KRIT1: variants seen among roughly 807,000 people sequenced by gnomAD.
KRIT1 encodes KRIT1 ankyrin repeat containing.
In KRIT1, 45 loss-of-function variants were observed where a neutral mutation model predicts 95.8. The ratio of observed to expected loss-of-function variants is 0.47; its 90% CI spans 0.37 to 0.60. KRIT1 has a LOEUF of 0.60. KRIT1 is among the 20% of genes least tolerant of loss of function. KRIT1 has a pLI of 0.00. For synonymous variants in KRIT1, 282 were observed against 278.8 expected (o/e 1.01, Z -0.11); for missense variants, 788 against 877.5 (o/e 0.90, Z 1.29).
intron 3 of KRIT1, 60 bp downstream of exon 3, chr7:92,243,942 T>C (rs1217339184): frequency 6.6e-6 from 1 of 152,208 alleles, no homozygotes; most frequent in Admixed American, 6.5e-5. Context: ...TTTATCATTA[T>C]ATACTTCATG....
intron 10 of KRIT1, among the ~76,000 whole-genome samples, chr7:92,233,262 G>A (rs372003122): frequency 4.6e-5 from 7 of 151,720 alleles, no homozygotes; most frequent in East Asian, 3.9e-4. Flanking sequence ...AAAGAATTTC[G>A]AGTTGGAAGA....
intron 14 of KRIT1, 82 bp downstream of exon 14, chr7:92,221,820 A>G (rs1467271585): frequency 8.4e-7 from 1 of 1,185,714 alleles, no homozygotes; most frequent in Non-Finnish European, 1.2e-6. Flanking sequence ...ATGTAAGCAC[A>G]ATTTCTGCCT....
At chr7:92,243,924 TATC>T (rs1192832397) in intron 3 of KRIT1, 75 bp downstream of exon 3, 1 of 152,198 alleles carries the variant, frequency 6.6e-6, no homozygotes, top group Non-Finnish European at 1.5e-5. Context: ...TTGAGGACGT[TATC>T]ATTCTTTATC....
intron 17 of KRIT1, chr7:92,201,653 T>G: frequency 2.2e-6 from 1 of 455,218 alleles, no homozygotes; most frequent in Non-Finnish European, 4.0e-6. Flanking sequence ...GTCACCTACA[T>G]TAGATATTTC....
chr7:92,212,131 T>C (rs1478436360), intron 17 of KRIT1, among the ~76,000 whole-genome samples: 2 of 151,906 alleles, frequency 1.3e-5, no homozygotes, highest in South Asian at 2.1e-4. Context: ...AATAAAAAAA[T>C]GTTTAAATGT....
At chr7:92,218,878 A>G (rs769716978) in intron 14 of KRIT1, among the ~76,000 whole-genome samples, 3 of 152,154 alleles carry the variant, frequency 2.0e-5, no homozygotes, top group Middle Eastern at 3.2e-3. Flanking sequence ...TTTGTTGTTC[A>G]TGCTTTTGTT....
chr7:92,221,878 T>C (rs1403643433), intron 14 of KRIT1, 24 bp downstream of exon 14: 10 of 1,605,084 alleles, frequency 6.2e-6, no homozygotes, highest in Non-Finnish European at 8.5e-6. Flanking sequence ...TTTAAATAAC[T>C]GTAAATAAGA....
intron 6 of KRIT1, 104 bp downstream of exon 6, chr7:92,237,563 A>G: frequency 2.0e-6 from 1 of 507,986 alleles, no homozygotes; most frequent in East Asian, 3.3e-5. Flanking sequence ...TGTATTTTAT[A>G]ATATTATAGT....
At chr7:92,211,718 C>G (rs1343760659) in intron 17 of KRIT1, among the ~76,000 whole-genome samples, 1 of 151,862 alleles carries the variant, frequency 6.6e-6, no homozygotes, top group Non-Finnish European at 1.5e-5. Context: ...TCCTAATTAC[C>G]CTGATTTGAT....
At chr7:92,226,768 T>A (rs1796289824) in intron 10 of KRIT1, 86 bp from the exon 11 acceptor site, 1 of 1,185,472 alleles carries the variant, frequency 8.4e-7, no homozygotes, top group Non-Finnish European at 1.2e-6. Flanking sequence ...AAAATCCAAA[T>A]TTTAGATGAT....
At chr7:92,242,613 T>C (rs1429507012) in intron 3 of KRIT1, among the ~76,000 whole-genome samples, 1 of 152,260 alleles carries the variant, frequency 6.6e-6, no homozygotes, top group African/African-American at 2.4e-5. Context: ...GTAGATGTTT[T>C]ATATCCATTG....
chr7:92,209,170 C>T (rs932458482), intron 17 of KRIT1, among the ~76,000 whole-genome samples: 2 of 151,710 alleles, frequency 1.3e-5, no homozygotes, highest in African/African-American at 2.4e-5. Context: ...AACCTCTCAG[C>T]GAATTCACAT....
At chr7:92,212,528 TA>T (rs1468679543) in intron 17 of KRIT1, among the ~76,000 whole-genome samples, 1 of 152,144 alleles carries the variant, frequency 6.6e-6, no homozygotes, top group Admixed American at 6.5e-5. Flanking sequence ...CATGCCTTTA[TA>T]AAAGGGACCC....
At chr7:92,209,153 A>G (rs944842254) in intron 17 of KRIT1, among the ~76,000 whole-genome samples, 1 of 151,670 alleles carries the variant, frequency 6.6e-6, no homozygotes, top group African/African-American at 2.4e-5. Flanking sequence ...TTCGTGATGA[A>G]AAAAAAAACC....
At chr7:92,239,444 T>TTC (rs1799121467) in intron 5 of KRIT1, among the ~76,000 whole-genome samples, 1 of 152,216 alleles carries the variant, frequency 6.6e-6, no homozygotes, top group Non-Finnish European at 1.5e-5. Flanking sequence ...CTGATAACTA[T>TTC]AACAATCTGG....
In KRIT1 at chr7:92,202,533, T is replaced by C. The variant is rs1049589851; in HGVS notation, c.2026-1110A>G. On this transcript the variant is annotated intron_variant, in intron 17 of 18. Coordinates refer to ENST00000394505, the MANE Select transcript of KRIT1 (RefSeq NM_194454.3). ...GTTCATGGCATTTTTAAGATACATA[T>C]GTTTAGAAGCATTCAGTTTCTATAA... 3.3e-5 allele frequency among the ~76,000 whole-genome samples: 5 copies of C among 152,324 alleles called. No homozygotes were observed. The South Asian group carries it at 1.0e-3, about 32-fold the overall frequency.
Position 92,224,345 on chromosome 7 carries a change from C to A in KRIT1, c.1255-1367G>T, listed in dbSNP as rs561318691. ...CAGGAGCGGTGGCACGTCTGTAGTC[C>A]CAGCTACTCAAGAGGCTGAGGTGGG... On this transcript the variant is annotated intron_variant, in intron 12 of 18. Coordinates refer to ENST00000394505, the MANE Select transcript of KRIT1 (RefSeq NM_194454.3). Among the ~76,000 whole-genome samples, 4 of 152,138 alleles carry A rather than the reference C, an allele frequency of 2.6e-5. No individual in the cohort carries two copies. The South Asian group carries it at 8.3e-4, about 32-fold the overall frequency.
chr7:92,225,466 C>A (rs1796023572), intron 12 of KRIT1, among the ~76,000 whole-genome samples: 1 of 152,074 alleles, frequency 6.6e-6, no homozygotes. Context: ...CGCCACCATG[C>A]CCAGCTGATT....
At chr7:92,229,105 C>T (rs1240045745) in intron 10 of KRIT1, among the ~76,000 whole-genome samples, 1 of 152,174 alleles carries the variant, frequency 6.6e-6, no homozygotes, top group African/African-American at 2.4e-5. Context: ...GGTATATACA[C>T]AGTAATGGGA....
Sources: allele counts gnomAD v4.1 joint callset (sites outside exome capture counted in the v4.1 genomes callset), GRCh38; gene constraint gnomAD v4.1.1; transcripts MANE v1.5; gene names NCBI Gene and HGNC (gene_info 2026-07-23, HGNC 2026-07-21).